ZNF423: variants seen among roughly 807,000 people sequenced by gnomAD.
The protein encoded by ZNF423 is Ebf-associated zinc finger protein.
A neutral mutation model predicts 95.8 loss-of-function variants in ZNF423; 12 were observed. The ratio of observed to expected loss-of-function variants is 0.13; its 90% CI spans 0.08 to 0.20. The LOEUF (loss-of-function observed/expected upper bound fraction) is 0.20, where lower values mean the gene tolerates loss of function less well. Among genes scored for constraint, ZNF423 ranks in the 10% least tolerant of loss-of-function variants. The pLI is 1.00. For missense variants in ZNF423, 1,316 were observed against 1,737.1 expected (o/e 0.76, Z 4.31); for synonymous variants, 749 against 711.9 (o/e 1.05, Z -0.83).
intron 3 of ZNF423, among the ~76,000 whole-genome samples, chr16:49,654,413 G>T (rs57148286): frequency 6.6e-6 from 1 of 152,132 alleles, no homozygotes; most frequent in Non-Finnish European, 1.5e-5. Context: ...AGTCCAATAC[G>T]TCCTGGGGGG....
intron 3 of ZNF423, among the ~76,000 whole-genome samples, chr16:49,719,936 G>T (rs145122843): frequency 6.6e-6 from 1 of 152,312 alleles, no homozygotes; most frequent in African/African-American, 2.4e-5. Flanking sequence ...CACCATCTGG[G>T]CACCTGAGCC....
chr16:49,552,637 T>C (rs1452687258), intron 5 of ZNF423, among the ~76,000 whole-genome samples: 3 of 152,136 alleles, frequency 2.0e-5, no homozygotes, highest in African/African-American at 7.2e-5. Context: ...CAAGAATTTA[T>C]AAAAGAAGCA....
At chr16:49,522,401 G>A (rs891039938) in intron 7 of ZNF423, among the ~76,000 whole-genome samples, 7 of 152,158 alleles carry the variant, frequency 4.6e-5, no homozygotes, top group Admixed American at 1.3e-4. Context: ...CTACGGAAAC[G>A]TGGATGGGCA....
chr16:49,653,511 T>C (rs1036370807), intron 3 of ZNF423, among the ~76,000 whole-genome samples: 6 of 152,132 alleles, frequency 3.9e-5, no homozygotes, highest in Non-Finnish European at 8.8e-5. Flanking sequence ...ATTTTTCCCA[T>C]CCACACATTT....
chr16:49,513,586 C>T (rs16947542), intron 7 of ZNF423, among the ~76,000 whole-genome samples: 30,106 of 151,728 alleles, frequency 0.2, 3,036 homozygotes, highest in African/African-American at 0.26. Context: ...TGCTTGTGTT[C>T]TCTTTCCGAC....
At chr16:49,848,991 G>T (rs1255237099) in intron 1 of ZNF423, among the ~76,000 whole-genome samples, 3 of 152,124 alleles carry the variant, frequency 2.0e-5, no homozygotes, top group African/African-American at 7.2e-5. Context: ...AGAAGATAGG[G>T]GGCAGGCATC....
intron 1 of ZNF423, among the ~76,000 whole-genome samples, chr16:49,796,502 C>A (rs893998349): frequency 6.6e-6 from 1 of 152,230 alleles, no homozygotes; most frequent in African/African-American, 2.4e-5. Flanking sequence ...GCCCAGAACA[C>A]AGCAGTGGGG....
At chr16:49,696,380 A>T (rs1022793388) in intron 3 of ZNF423, among the ~76,000 whole-genome samples, 2 of 152,194 alleles carry the variant, frequency 1.3e-5, no homozygotes, top group Non-Finnish European at 2.9e-5. Flanking sequence ...ATTGGGCCAC[A>T]CCAAGCTCTA....
At chr16:49,494,164 A>G (rs1373639550) in intron 7 of ZNF423, among the ~76,000 whole-genome samples, 1 of 152,158 alleles carries the variant, frequency 6.6e-6, no homozygotes, top group Non-Finnish European at 1.5e-5. Flanking sequence ...ACTGGTGAGG[A>G]AAACTCCAGA....
intron 3 of ZNF423, among the ~76,000 whole-genome samples, chr16:49,715,224 C>T (rs993478834): frequency 9.9e-5 from 15 of 152,168 alleles, no homozygotes; most frequent in African/African-American, 3.6e-4. Flanking sequence ...GCAATCACTG[C>T]CATAAAGGAA....
At chr16:49,802,745 C>G (rs570728282) in intron 1 of ZNF423, among the ~76,000 whole-genome samples, 51 of 152,278 alleles carry the variant, frequency 3.3e-4, no homozygotes, top group African/African-American at 1.2e-3. Flanking sequence ...TTATTGTTTC[C>G]TAGAACAAAC....
chr16:49,744,433 T>C (rs1223275603), intron 2 of ZNF423, among the ~76,000 whole-genome samples: 1 of 150,432 alleles, frequency 6.6e-6, no homozygotes, highest in East Asian at 2.0e-4. Context: ...CCAGGTGGAG[T>C]GTCCCCAGGC....
intron 7 of ZNF423, among the ~76,000 whole-genome samples, chr16:49,516,388 T>C (rs1018580484): frequency 2.6e-5 from 4 of 152,200 alleles, no homozygotes; most frequent in Admixed American, 6.5e-5. Context: ...CAGAAGTCAA[T>C]GTCAATAATA....
chr16:49,783,137 G>A (rs1237520334), intron 2 of ZNF423, among the ~76,000 whole-genome samples: 1 of 152,128 alleles, frequency 6.6e-6, no homozygotes, highest in Non-Finnish European at 1.5e-5. Context: ...TCATTCCAAA[G>A]GGCTTGTGGG....
chr16:49,671,520 C>T (rs2030808197), intron 3 of ZNF423, among the ~76,000 whole-genome samples: 1 of 152,204 alleles, frequency 6.6e-6, no homozygotes, highest in Non-Finnish European at 1.5e-5. Context: ...CGAGCCCTCC[C>T]ACCACCACCC....
intron 1 of ZNF423, among the ~76,000 whole-genome samples, chr16:49,801,366 G>A (rs2034580666): frequency 1.3e-5 from 2 of 152,214 alleles, no homozygotes; most frequent in Admixed American, 6.5e-5. Context: ...TTCAAAGAAG[G>A]AAGAATAGAG....
chr16:49,854,469 C>G (rs1377376892), intron 1 of ZNF423: 1 of 985,348 alleles, frequency 1.0e-6, no homozygotes, highest in East Asian at 1.1e-4. Context: ...CCCGCGCAGG[C>G]CTCCAGGAAA....
At position 49,638,851 on chromosome 16, in the gene ZNF423, A is replaced by G. The variant is rs1367621571; in HGVS notation, c.325T>C (p.Ser109Pro). 1 of 1,610,230 alleles carries G rather than the reference A, an allele frequency of 6.2e-7. No individual in the cohort carries two copies. The change falls in exon 4 of 8, where the codon TCC becomes CCC. Residue 109 changes from serine (S) to proline (P), a missense_variant. By Grantham distance (74) the Ser-to-Pro change is moderately conservative. Transcript: ENST00000563137. The surrounding 1 kb of genome is among the most constrained non-coding windows in gnomAD (Gnocchi z 5.6). Reference protein sequence around the residue: ...PGDGDDDPQLSWVASSPSSKD... With the variant: ...PGDGDDDPQLPWVASSPSSKD... ...CTGGAGGGAGACGAGGCCACCCAGG[A>G]GAGTTGTGGGTCGTCATCACCATCT...
At chr16:49,858,235 C>T (rs2035392632), upstream of ZNF423, among the ~76,000 whole-genome samples, 1 of 149,336 alleles carries the variant, frequency 6.7e-6, no homozygotes, top group Non-Finnish European at 1.5e-5. This position sits in a 1 kb window ranked among gnomAD's most constrained non-coding sequence, Gnocchi z 4.3. Flanking sequence ...CCGGGGCCGG[C>T]CGGGCCGCGG....
Sources: allele counts gnomAD v4.1 joint callset (sites outside exome capture counted in the v4.1 genomes callset), GRCh38; gene constraint gnomAD v4.1.1; non-coding constraint Gnocchi (gnomAD v3.1); transcripts MANE v1.5; gene names NCBI Gene and HGNC (gene_info 2026-07-23, HGNC 2026-07-21).